FAM163B: variants seen among roughly 807,000 people sequenced by gnomAD.
FAM163B encodes the protein protein FAM163B.
FAM163B carries 4 observed loss-of-function variants against 7.6 expected under a neutral mutation model. The observed-to-expected ratio is 0.52, with a 90% CI of 0.26 to 1.20. The LOEUF is 1.20. Among genes scored for constraint, FAM163B ranks in the 50% most tolerant of loss-of-function variants. The pLI, the probability that FAM163B is intolerant of heterozygous loss-of-function variation, is 0.14. For synonymous variants in FAM163B, 120 were observed against 111.6 expected (o/e 1.07, Z -0.47); for missense variants, 250 against 243.0 (o/e 1.03, Z -0.19).
intron 1 of FAM163B, among the ~76,000 whole-genome samples, chr9:133,603,925 C>T (rs1439134456): frequency 3.9e-5 from 6 of 152,164 alleles, no homozygotes; most frequent in African/African-American, 1.2e-4. Flanking sequence ...CTGTAACCTC[C>T]GCCTTCCAGG....
At chr9:133,592,406 C>T (rs1831567413) in intron 1 of FAM163B, among the ~76,000 whole-genome samples, 1 of 152,184 alleles carries the variant, frequency 6.6e-6, no homozygotes, top group Non-Finnish European at 1.5e-5. Context: ...GAGAGGGAGG[C>T]CGAGGGTGTG....
In FAM163B at chr9:133,580,123, G is replaced by A. The variant is rs1198686515; in HGVS notation, c.93+8C>T. ...TGCCCTGTCCCCTTCCCCGCCGCCC[G>A]GGAATACCTGGAGCCGGCAGTAGCA... On this transcript the variant is annotated splice_region_variant and intron_variant, in intron 2 of 2. Transcript: ENST00000673969. 1.0e-4 allele frequency: 163 copies of A among 1,609,922 alleles called. No homozygotes were observed. Among genetic ancestry groups the A allele is most frequent in the Non-Finnish European group, 1.3e-4 (150 of 1,179,468 alleles).
At chr9:133,588,152 G>A (rs77496300) in intron 1 of FAM163B, among the ~76,000 whole-genome samples, 32,872 of 152,096 alleles carry the variant, frequency 0.22, 4,426 homozygotes, top group East Asian at 0.42. Flanking sequence ...TTTGGCACTA[G>A]GGAATTGCAG....
rs1363197567 is a variant in FAM163B, at chr9:133,589,637, C to CAG, written c.-23-9393_-23-9392dup. ...GGGGGCGACACAGCGCGCACACACA[C>CAG]AGTAGGGCGGCATTGGTGCTGATTT... On this transcript the variant is annotated intron_variant, in intron 1 of 2. Coordinates refer to ENST00000673969, the MANE Select transcript of FAM163B (RefSeq NM_001080515.3). Among the ~76,000 whole-genome samples the CAG allele has an allele frequency of 4.6e-5, 7 of 151,920 alleles. No homozygotes were observed. The East Asian group carries it at 9.8e-4, about 21-fold the overall frequency.
chr9:133,583,645 G>A (rs1831388207), intron 1 of FAM163B, among the ~76,000 whole-genome samples: 1 of 152,200 alleles, frequency 6.6e-6, no homozygotes. Context: ...TCTCAGGTCT[G>A]AGATGCAGCC....
intron 1 of FAM163B, among the ~76,000 whole-genome samples, chr9:133,589,248 A>C (rs999524858): frequency 3.9e-5 from 6 of 152,204 alleles, no homozygotes; most frequent in African/African-American, 1.4e-4. Flanking sequence ...TAATAAGCAC[A>C]GGATCCTGTG....
At chr9:133,602,005 C>T (rs1208834453) in intron 1 of FAM163B, among the ~76,000 whole-genome samples, 1 of 152,156 alleles carries the variant, frequency 6.6e-6, no homozygotes, top group Non-Finnish European at 1.5e-5. Flanking sequence ...GGGTGGGGCT[C>T]CACGGGCCGC....
rs535217505 is a variant in FAM163B, at chr9:133,600,842, C to T, written c.-24+8235G>A. Among the ~76,000 whole-genome samples the T allele has an allele frequency of 2.0e-5, 3 of 152,284 alleles. No homozygotes were observed. Among genetic ancestry groups the T allele is most frequent in the South Asian group, 4.1e-4 (2 of 4,828 alleles). On this transcript the variant is annotated intron_variant, in intron 1 of 2. Transcript: ENST00000673969. This position sits in a 1 kb window ranked among gnomAD's most constrained non-coding sequence, Gnocchi z 4.9. ...CGCAAGCTCAGTGAACAATCACAGACGCTCCCTAACCCCCTTTCCCCTCGC... is the reference window on the plus strand; with the variant it reads ...CGCAAGCTCAGTGAACAATCACAGATGCTCCCTAACCCCCTTTCCCCTCGC...
intron 1 of FAM163B, among the ~76,000 whole-genome samples, chr9:133,602,718 C>T (rs1831745298): frequency 6.6e-6 from 1 of 151,996 alleles, no homozygotes; most frequent in Admixed American, 6.6e-5. Context: ...GGGTTCACAC[C>T]AAGGCAGGAG....
Position 133,577,734 on chromosome 9 carries a change from C to T in FAM163B, c.*1288G>A, listed in dbSNP as rs1207309450. 6.6e-6 allele frequency among the ~76,000 whole-genome samples: 1 copy of T among 152,212 alleles called. No homozygotes were observed. The highest frequency in any genetic ancestry group is 1.5e-5 in the Non-Finnish European group (1 of 68,024). ...GGCTGCTGAGAGGAAATAATTGCCT[C>T]TTTCTGGGTGAGGAAGAGCTGCCTT... On this transcript the variant is annotated 3_prime_UTR_variant, in exon 3 of 3. Transcript: ENST00000673969.
At chr9:133,583,794 C>A (rs1831391454) in intron 1 of FAM163B, among the ~76,000 whole-genome samples, 1 of 152,236 alleles carries the variant, frequency 6.6e-6, no homozygotes, top group Non-Finnish European at 1.5e-5. Context: ...AACACCCAGG[C>A]TGGTCCAGCT....
At chr9:133,590,080 T>TTCCCCTTCCCCTTCCCCTTCCCCTTCCCC (rs1564193478) in intron 1 of FAM163B, among the ~76,000 whole-genome samples, 1 of 22,002 alleles carries the variant, frequency 4.5e-5, no homozygotes. Context: ...TCCCTTCCCC[T>TTCCCCTTCCCCTTCCCCTTCCCCTTCCCC]TCCCCTTCCC....
rs1831297243 is a variant in FAM163B at position 133,578,904 on chromosome 9, G to C, written c.*118C>G. ...AAGCCTGGGCCTCCCCTGAGGACAG[G>C]GATTCCAGGAGGGCTCAGCCAAGCC... On this transcript the variant is annotated 3_prime_UTR_variant, in exon 3 of 3. Coordinates refer to ENST00000673969, the MANE Select transcript of FAM163B (RefSeq NM_001080515.3). 1.4e-6 allele frequency: 2 copies of C among 1,429,572 alleles called. No homozygotes were observed. The highest frequency in any genetic ancestry group is 2.9e-5 in the African/African-American group (2 of 69,652). 88.6% of individuals were successfully genotyped at this position (1,429,572 alleles called of 1,614,324 possible). A position where few individuals can be genotyped will look rare whatever the true frequency, so the allele number is the denominator to read the frequency against.
rs62574247 is a variant in FAM163B, at chr9:133,577,560, G to A, written c.*1462C>T. 0.16 allele frequency among the ~76,000 whole-genome samples: 25,046 copies of A among 152,256 alleles called. 2,235 individuals are homozygous for A. The highest frequency in any genetic ancestry group is 0.21 in the African/African-American group (8,766 of 41,530). ...AGTGTCCTGCTCAAGCCACCCCTCC[G>A]CTCAGGGAAGGTCACTGCCCGGCCA... On this transcript the variant is annotated 3_prime_UTR_variant, in exon 3 of 3. Coordinates refer to ENST00000673969, the MANE Select transcript of FAM163B (RefSeq NM_001080515.3).
At position 133,606,594 on chromosome 9, in the gene FAM163B, T is replaced by C. The variant is rs1831792434; in HGVS notation, c.-24+2483A>G. 6.6e-6 allele frequency among the ~76,000 whole-genome samples: 1 copy of C among 152,202 alleles called. No homozygotes were observed. Among genetic ancestry groups the C allele is most frequent in the Admixed American group, 6.5e-5 (1 of 15,288 alleles). On this transcript the variant is annotated intron_variant, in intron 1 of 2. Coordinates refer to ENST00000673969, the MANE Select transcript of FAM163B (RefSeq NM_001080515.3). The surrounding 1 kb of genome is among the most constrained non-coding windows in gnomAD (Gnocchi z 4.0). ...GCACCCTCATTTTTGCAGATGGGGA[T>C]GCGGAATGATGCACCCGTGGTCTGG... is the stretch of plus-strand genomic sequence containing the variant.
At chr9:133,580,721 C>T (rs1012043265) in intron 1 of FAM163B, among the ~76,000 whole-genome samples, 5 of 152,246 alleles carry the variant, frequency 3.3e-5, no homozygotes, top group African/African-American at 1.2e-4. Context: ...GCAACATAGT[C>T]TCTAACCCGA....
At chr9:133,590,124 C>G in intron 1 of FAM163B, among the ~76,000 whole-genome samples, 1 of 28,682 alleles carries the variant, frequency 3.5e-5, no homozygotes, top group Non-Finnish European at 8.1e-5. Context: ...TCCCCTTCCC[C>G]TCCCCTTCCC....
In FAM163B at chr9:133,608,010, C is replaced by T. The variant is rs147146078; in HGVS notation, c.-24+1067G>A. On this transcript the variant is annotated intron_variant, in intron 1 of 2. Transcript: ENST00000673969. ...GAAGGTGGGAAGATGGGCAAAGGTGCTTTCCCAGCAACCCTGAACTTTTTG... is the reference window on the plus strand; with the variant it reads ...GAAGGTGGGAAGATGGGCAAAGGTGTTTTCCCAGCAACCCTGAACTTTTTG... 3.8e-3 allele frequency among the ~76,000 whole-genome samples: 576 copies of T among 152,346 alleles called. 12 individuals carry two copies. Among genetic ancestry groups the T allele is most frequent in the Admixed American group, 0.029 (446 of 15,304 alleles).
chr9:133,580,565 G>A (rs876576), intron 1 of FAM163B, among the ~76,000 whole-genome samples: 3,201 of 152,236 alleles, frequency 0.021, 127 homozygotes, highest in African/African-American at 0.073. Context: ...AATGAATGGC[G>A]CCCTTCCAGC....
Sources: gnomAD v4.1 joint callset for allele counts (sites outside exome capture counted in the v4.1 genomes callset) on GRCh38, gnomAD v4.1.1 for gene constraint, Gnocchi (gnomAD v3.1) non-coding constraint, MANE v1.5 for transcripts, NCBI Gene and HGNC (gene_info 2026-07-23, HGNC 2026-07-21) for gene names.